Variants in AGPS observed in about 807,000 individuals in gnomAD.
AGPS encodes alkyldihydroxyacetonephosphate synthase, peroxisomal.
Under a neutral mutation model 90.7 loss-of-function variants are expected in AGPS, and 26 were observed. That is an observed-to-expected ratio of 0.29 (90% CI 0.21 to 0.40). The LOEUF (loss-of-function observed/expected upper bound fraction) is 0.40, where lower values mean the gene tolerates loss of function less well. Among genes scored for constraint, AGPS ranks in the 10% least tolerant of loss-of-function variants. AGPS has a pLI of 1.00. For missense variants in AGPS, 540 were observed against 816.1 expected, an observed-to-expected ratio of 0.66 and a Z score of 4.12; for synonymous variants, 294 against 285.3, an observed-to-expected ratio of 1.03 and a Z score of -0.31.
chr2:177,468,268 G>T (rs1410803872), intron 9 of AGPS, 148 bp from the exon 10 acceptor site: 1 of 505,972 alleles, frequency 2.0e-6, no homozygotes, highest in Non-Finnish European at 3.6e-6. Context: ...ATTACTAAAA[G>T]ATACTAGAAT....
chr2:177,468,289 A>G (rs1158454504), intron 9 of AGPS, 127 bp from the exon 10 acceptor site: 6 of 548,748 alleles, frequency 1.1e-5, no homozygotes, highest in Non-Finnish European at 2.0e-5. Flanking sequence ...TCTTAAAAGC[A>G]TCACAATTTA....
intron 15 of AGPS, among the ~76,000 whole-genome samples, chr2:177,506,433 A>G (rs1241119544): frequency 1.3e-5 from 2 of 151,898 alleles, no homozygotes; most frequent in African/African-American, 4.8e-5. Flanking sequence ...TGTAAAGATC[A>G]AATCAGGATT....
In AGPS at chr2:177,470,926, G is replaced by A. The variant is rs568718313; in HGVS notation, c.1105+2402G>A. Among the ~76,000 whole-genome samples the A allele has an allele frequency of 2.0e-5, 3 of 152,000 alleles. No homozygotes were observed. The East Asian group carries it at 5.8e-4, about 29-fold the overall frequency. On this transcript the variant is annotated intron_variant, in intron 10 of 19. Transcript: ENST00000264167. ...AGTTAGATAATTTTCAGTGCCCGGT[G>A]TCCTCAGCCATAAAATGGGAATAAT...
intron 11 of AGPS, among the ~76,000 whole-genome samples, chr2:177,491,435 T>A (rs1379766032): frequency 6.8e-6 from 1 of 148,110 alleles, no homozygotes; most frequent in Non-Finnish European, 1.5e-5. Flanking sequence ...ATTTCTTTTT[T>A]TTTTTTTTTT....
intron 13 of AGPS, among the ~76,000 whole-genome samples, chr2:177,498,669 A>G (rs921326048): frequency 2.6e-5 from 4 of 151,200 alleles, no homozygotes; most frequent in Admixed American, 6.6e-5. Flanking sequence ...ATTTATTTCA[A>G]TTTTATTATG....
intron 1 of AGPS, among the ~76,000 whole-genome samples, chr2:177,410,150 T>C (rs1172770131): frequency 6.6e-6 from 1 of 152,208 alleles, no homozygotes; most frequent in African/African-American, 2.4e-5. Context: ...TACTGCAGCT[T>C]GGTTTCCCGG....
chr2:177,523,831 C>T, intron 19 of AGPS, 26 bp downstream of exon 19: 1 of 1,579,176 alleles, frequency 6.3e-7, no homozygotes, highest in Non-Finnish European at 8.7e-7. Context: ...AGTAGAATTT[C>T]TAATATTCTT....
chr2:177,484,055 T>C (rs528480123), intron 11 of AGPS, among the ~76,000 whole-genome samples: 1 of 150,744 alleles, frequency 6.6e-6, no homozygotes, highest in Non-Finnish European at 1.5e-5. Context: ...AATTGAAAAA[T>C]AAAACACAGA....
At chr2:177,440,914 C>T (rs767937321) in intron 5 of AGPS, 51 bp from the exon 6 acceptor site, 2 of 1,486,386 alleles carry the variant, frequency 1.3e-6, no homozygotes, top group South Asian at 2.3e-5. Flanking sequence ...CCAAGGTTAT[C>T]AGATTTTATT....
chr2:177,445,889 T>G (rs765714352), intron 8 of AGPS, among the ~76,000 whole-genome samples: 32 of 152,164 alleles, frequency 2.1e-4, no homozygotes, highest in Non-Finnish European at 4.4e-4. Context: ...GATAAATAAT[T>G]AATTATTTGG....
chr2:177,449,764 T>G (rs1481443013), intron 8 of AGPS, among the ~76,000 whole-genome samples: 5 of 152,150 alleles, frequency 3.3e-5, no homozygotes, highest in Non-Finnish European at 4.4e-5. Context: ...TAATGACTAG[T>G]GATGTTGAAC....
chr2:177,398,675 A>C (rs756221470), intron 1 of AGPS, among the ~76,000 whole-genome samples: 4 of 152,208 alleles, frequency 2.6e-5, no homozygotes, highest in Non-Finnish European at 5.9e-5. Context: ...ACTTTGTCAT[A>C]TAGTTAAGAA....
At chr2:177,424,047 C>T (rs1282385223) in intron 2 of AGPS, among the ~76,000 whole-genome samples, 1 of 152,102 alleles carries the variant, frequency 6.6e-6, no homozygotes, top group Non-Finnish European at 1.5e-5. Flanking sequence ...ATCAACCCAT[C>T]CCCTTGGTTA....
intron 11 of AGPS, among the ~76,000 whole-genome samples, chr2:177,491,756 T>C (rs1353801419): frequency 2.0e-5 from 2 of 100,376 alleles, no homozygotes; most frequent in Non-Finnish European, 4.0e-5. Context: ...TAATATACTT[T>C]CCTTCCCCCC....
At chr2:177,504,660 A>C (rs1397086305) in intron 14 of AGPS, among the ~76,000 whole-genome samples, 1 of 152,132 alleles carries the variant, frequency 6.6e-6, no homozygotes, top group Non-Finnish European at 1.5e-5. Flanking sequence ...AATTCAACAC[A>C]ACTTCAGAAG....
chr2:177,509,558 C>T (rs886767235), intron 16 of AGPS, among the ~76,000 whole-genome samples: 5 of 151,570 alleles, frequency 3.3e-5, no homozygotes, highest in Admixed American at 2.0e-4. Context: ...CCCAGCTACT[C>T]GGCATGCTGA....
chr2:177,466,388 A>T (rs1310125564), intron 9 of AGPS, among the ~76,000 whole-genome samples: 1 of 152,228 alleles, frequency 6.6e-6, no homozygotes, highest in Admixed American at 6.5e-5. Flanking sequence ...AAAAAGCATC[A>T]TAAGTTCCCA....
chr2:177,429,721 C>G (rs1253078867), intron 2 of AGPS, among the ~76,000 whole-genome samples: 2 of 152,170 alleles, frequency 1.3e-5, no homozygotes, highest in African/African-American at 4.8e-5. Flanking sequence ...GGGTAGTGAC[C>G]TGTTGCTGGC....
chr2:177,462,392 C>A (rs538506852), intron 9 of AGPS, among the ~76,000 whole-genome samples: 335 of 108,136 alleles, frequency 3.1e-3, no homozygotes, highest in South Asian at 4.1e-3. Context: ...GATTCTGTCT[C>A]AAAAAAAAAA....
Sources: gnomAD v4.1 joint callset for allele counts (sites outside exome capture counted in the v4.1 genomes callset) on GRCh38, gnomAD v4.1.1 for gene constraint, MANE v1.5 for transcripts, NCBI Gene and HGNC (gene_info 2026-07-23, HGNC 2026-07-21) for gene names.